AGBL1: variants seen among roughly 807,000 people sequenced by gnomAD.
The protein encoded by AGBL1 is cytosolic carboxypeptidase 4.
In AGBL1, 130 loss-of-function variants were observed where a neutral mutation model predicts 118.9. The ratio of observed to expected loss-of-function variants is 1.09; its 90% CI spans 0.95 to 1.26. AGBL1 has a LOEUF of 1.26. Among genes scored for constraint, AGBL1 ranks in the 50% most tolerant of loss-of-function variants. The pLI is 0.00. For synonymous variants in AGBL1, 555 were observed against 478.9 expected (o/e 1.16, Z -2.08); for missense variants, 1,584 against 1,298.1 (o/e 1.22, Z -3.38).
chr15:86,818,493 G>A (rs2078896501), intron 22 of AGBL1, among the ~76,000 whole-genome samples: 1 of 152,200 alleles, frequency 6.6e-6, no homozygotes, highest in African/African-American at 2.4e-5. Context: ...GTTTCATTCA[G>A]AAACCACTCC....
intron 23 of AGBL1, among the ~76,000 whole-genome samples, chr15:86,949,570 G>A (rs1323871117): frequency 6.6e-6 from 1 of 151,800 alleles, no homozygotes; most frequent in Non-Finnish European, 1.5e-5. Context: ...TAGACTCTGA[G>A]ACAAAAAATA....
At chr15:86,582,502 C>A (rs1267625255) in intron 21 of AGBL1, among the ~76,000 whole-genome samples, 1 of 152,018 alleles carries the variant, frequency 6.6e-6, no homozygotes, top group Admixed American at 6.6e-5. Context: ...CCCAGCCATC[C>A]CATTACTGCG....
chr15:86,585,450 G>T (rs1323904803), intron 21 of AGBL1, among the ~76,000 whole-genome samples: 3 of 152,170 alleles, frequency 2.0e-5, no homozygotes, highest in African/African-American at 7.2e-5. Context: ...CTGGAGTGCA[G>T]TGGTGTGATA....
At chr15:86,765,696 C>CT (rs1249129558) in intron 22 of AGBL1, among the ~76,000 whole-genome samples, 6 of 151,654 alleles carry the variant, frequency 4.0e-5, no homozygotes, top group Non-Finnish European at 4.4e-5. Flanking sequence ...TAGACTTCGG[C>CT]TTTTTTTTAA....
chr15:86,817,227 G>T (rs2078870998), intron 22 of AGBL1, among the ~76,000 whole-genome samples: 1 of 151,296 alleles, frequency 6.6e-6, no homozygotes, highest in Non-Finnish European at 1.5e-5. Flanking sequence ...AGAAGGCGGA[G>T]GTTGCAGTGA....
intron 7 of AGBL1, among the ~76,000 whole-genome samples, chr15:86,256,600 T>C (rs990703867): frequency 1.3e-5 from 2 of 152,214 alleles, no homozygotes; most frequent in African/African-American, 4.8e-5. Flanking sequence ...ACTGAATTCA[T>C]TGCAGTGATG....
At chr15:86,159,544 G>A (rs1341188897) in intron 5 of AGBL1, among the ~76,000 whole-genome samples, 2 of 152,080 alleles carry the variant, frequency 1.3e-5, no homozygotes, top group Non-Finnish European at 2.9e-5. Flanking sequence ...GTCTTGAGAT[G>A]TATTTTTATG....
chr15:86,238,845 G>T (rs2078596437), intron 6 of AGBL1, among the ~76,000 whole-genome samples: 1 of 152,026 alleles, frequency 6.6e-6, no homozygotes, highest in Non-Finnish European at 1.5e-5. Flanking sequence ...GTAGAGATGG[G>T]GGTCTCACTC....
Position 86,276,723 on chromosome 15 carries a change from G to T in AGBL1, c.2076-2916G>T, listed in dbSNP as rs955592302. Reference sequence around the variant, plus strand: ...AAGACTTAGCTAAATAAGGAAGATGGAAAGGGCTTTCCATACAAAGCAAGA... The same window carrying T: ...AAGACTTAGCTAAATAAGGAAGATGTAAAGGGCTTTCCATACAAAGCAAGA... On this transcript the variant is annotated intron_variant, in intron 15 of 22. Coordinates refer to ENST00000614907, the MANE Select transcript of AGBL1 (RefSeq NM_001386094.1). Among the ~76,000 whole-genome samples, 156 of 152,296 alleles carry T rather than the reference G, an allele frequency of 1.0e-3. 1 individual carries two copies. The highest frequency in any genetic ancestry group is 5.6e-3 in the East Asian group (29 of 5,184).
Position 86,913,439 on chromosome 15 carries a change from C to G in AGBL1, c.*6145C>G, listed in dbSNP as rs1287027096. 1.3e-5 allele frequency: 2 copies of G among 152,158 alleles called. No individual in the cohort carries two copies. The highest frequency in any genetic ancestry group is 2.9e-5 in the Non-Finnish European group (2 of 68,046). 9.4% of individuals were successfully genotyped at this position (152,158 alleles called of 1,614,324 possible). On this transcript the variant is annotated 3_prime_UTR_variant, in exon 23 of 23. Coordinates refer to ENST00000614907, the MANE Select transcript of AGBL1 (RefSeq NM_001386094.1). ...ACTTGAAGTGTGTATATATTCTGGG[C>G]CAGTTCCAATGCAAAGTAAAATGGG...
intron 21 of AGBL1, among the ~76,000 whole-genome samples, chr15:86,642,899 C>T (rs1215387998): frequency 1.3e-5 from 2 of 152,100 alleles, no homozygotes; most frequent in African/African-American, 4.8e-5. Context: ...GAAAAACTAA[C>T]TCATACTGTT....
intron 21 of AGBL1, among the ~76,000 whole-genome samples, chr15:86,578,095 C>A (rs1270516076): frequency 6.6e-6 from 1 of 152,136 alleles, no homozygotes; most frequent in East Asian, 1.9e-4. Context: ...CCTGGAAAAG[C>A]CACAGACACT....
chr15:86,281,193 G>C (rs1437279448), intron 16 of AGBL1, among the ~76,000 whole-genome samples: 5 of 152,054 alleles, frequency 3.3e-5, no homozygotes, highest in Non-Finnish European at 5.9e-5. Flanking sequence ...GACCAGCCTG[G>C]GCAGCATGGT....
At chr15:86,220,495 C>T (rs889797045) in intron 5 of AGBL1, among the ~76,000 whole-genome samples, 1 of 152,134 alleles carries the variant, frequency 6.6e-6, no homozygotes, top group Non-Finnish European at 1.5e-5. Flanking sequence ...TTTACTTCAA[C>T]TTGAAGACGT....
chr15:86,865,027 G>C (rs2079606072), intron 22 of AGBL1, among the ~76,000 whole-genome samples: 1 of 152,034 alleles, frequency 6.6e-6, no homozygotes, highest in Non-Finnish European at 1.5e-5. Flanking sequence ...GTTCTCCCTG[G>C]AGCAGGGGTC....
rs570261269 is a variant in AGBL1 at position 86,604,669 on chromosome 15, T to C, written c.2994+50132T>C. Among the ~76,000 whole-genome samples the C allele has an allele frequency of 2.0e-5, 3 of 152,314 alleles. No homozygotes were observed. The South Asian group carries it at 6.2e-4, about 32-fold the overall frequency. ...CAATTAACAGGTAACAAAATTTTCT[T>C]TTCTACTTCTTAGTAGTTGGATAGG... On this transcript the variant is annotated intron_variant, in intron 21 of 22. Coordinates refer to ENST00000614907, the MANE Select transcript of AGBL1 (RefSeq NM_001386094.1).
intron 22 of AGBL1, among the ~76,000 whole-genome samples, chr15:86,749,753 A>G (rs1477921801): frequency 1.3e-5 from 2 of 152,190 alleles, no homozygotes; most frequent in African/African-American, 2.4e-5. Flanking sequence ...CCTTTTCTGC[A>G]TCTGTTGAGA....
At chr15:86,409,174 A>T (rs951019447) in intron 18 of AGBL1, among the ~76,000 whole-genome samples, 1 of 152,144 alleles carries the variant, frequency 6.6e-6, no homozygotes, top group African/African-American at 2.4e-5. Flanking sequence ...AAGTGGAAGG[A>T]GGTGGAGAGA....
chr15:86,153,362 G>C, intron 3 of AGBL1, among the ~76,000 whole-genome samples: 1 of 152,122 alleles, frequency 6.6e-6, no homozygotes, highest in Non-Finnish European at 1.5e-5. Flanking sequence ...TCCTTTGCAG[G>C]GACATGGATG....
Sources: allele counts gnomAD v4.1 joint callset (sites outside exome capture counted in the v4.1 genomes callset), GRCh38; gene constraint gnomAD v4.1.1; transcripts MANE v1.5; gene names NCBI Gene and HGNC (gene_info 2026-07-23, HGNC 2026-07-21).